HMCN1: variants seen among roughly 807,000 people sequenced by gnomAD.
HMCN1 encodes hemicentin-1.
A neutral mutation model predicts 625.9 loss-of-function variants in HMCN1; 321 were observed. The ratio of observed to expected loss-of-function variants is 0.51; its 90% confidence interval spans 0.47 to 0.56. The LOEUF (loss-of-function observed/expected upper bound fraction) is 0.56, where lower values mean the gene tolerates loss of function less well. HMCN1 is among the 20% of genes least tolerant of loss of function. HMCN1 has a pLI of 0.00. For synonymous variants in HMCN1, 2,425 were observed against 2,417.6 expected, an observed-to-expected ratio of 1.00 and a Z score of -0.09; for missense variants, 6,588 against 6,887.3, an observed-to-expected ratio of 0.96 and a Z score of 1.54.
intron 38 of HMCN1, 21 bp from the exon 39 acceptor site, chr1:186,039,703 TCTTA>T (rs1327462080): frequency 1.9e-6 from 3 of 1,610,974 alleles, no homozygotes; most frequent in Admixed American, 1.7e-5. Flanking sequence ...TATTAACGTG[TCTTA>T]CTTTCATTTG....
At chr1:186,162,909 G>C (rs565108781) in intron 97 of HMCN1, among the ~76,000 whole-genome samples, 1 of 152,140 alleles carries the variant, frequency 6.6e-6, no homozygotes, top group African/African-American at 2.4e-5. Context: ...CTCCAGCTGC[G>C]TGCTGGGAGA....
At chr1:185,779,480 G>T (rs1267792756) in intron 1 of HMCN1, among the ~76,000 whole-genome samples, 1 of 152,194 alleles carries the variant, frequency 6.6e-6, no homozygotes, top group Non-Finnish European at 1.5e-5. Context: ...ATGGTTTTAG[G>T]TCTAACATTT....
intron 41 of HMCN1, among the ~76,000 whole-genome samples, chr1:186,047,926 C>G (rs1314175544): frequency 5.3e-5 from 8 of 152,096 alleles, no homozygotes; most frequent in Admixed American, 3.3e-4. Context: ...AATGATCACT[C>G]TAACTTCAGT....
chr1:186,086,287 G>A lies in HMCN1; in HGVS notation c.8926G>A (p.Val2976Ile), dbSNP rs772967670. ...TGGTCCTAAATCTGAAAATCTTACC[G>A]TCGTGGTGAACAATTTCATCTCTTT... ...VIGPKSENLT[V>I]VVNNFISLTC... The change falls in exon 58 of 107, where the codon GTC becomes ATC. Residue 2976 changes from valine (V) to isoleucine (I), a missense_variant. This residue lies in a region of HMCN1 where 4,628 missense variants were observed against 4,853.1 expected (regional missense o/e 0.95). Transcript: ENST00000271588. The A allele has an allele frequency of 3.2e-5, 51 of 1,612,936 alleles. No individual in the cohort carries two copies. In the Middle Eastern group the frequency reaches 4.9e-4, roughly 16 times the overall value.
At chr1:185,935,033 G>A (rs1310606798) in intron 11 of HMCN1, among the ~76,000 whole-genome samples, 1 of 151,984 alleles carries the variant, frequency 6.6e-6, no homozygotes, top group Admixed American at 6.6e-5. Flanking sequence ...ACATCAAACT[G>A]CCTAGATAAT....
chr1:185,805,821 A>G (rs374788602), intron 1 of HMCN1, among the ~76,000 whole-genome samples: 5 of 152,154 alleles, frequency 3.3e-5, no homozygotes, highest in African/African-American at 9.7e-5. Flanking sequence ...TCCTGCTCCT[A>G]TATTGGTAGA....
intron 102 of HMCN1, 78 bp downstream of exon 102, chr1:186,172,209 T>A (rs1279939393): frequency 6.4e-7 from 1 of 1,563,968 alleles, no homozygotes; most frequent in Non-Finnish European, 8.8e-7. Flanking sequence ...TTAAAAGAAG[T>A]GATTAGAGTA....
chr1:185,895,449 A>G (rs1204804705), intron 4 of HMCN1, among the ~76,000 whole-genome samples: 3 of 152,194 alleles, frequency 2.0e-5, no homozygotes, highest in African/African-American at 7.2e-5. Context: ...TCTCTTACTG[A>G]ATCATAAAGC....
intron 6 of HMCN1, among the ~76,000 whole-genome samples, chr1:185,920,271 G>A (rs573886743): frequency 6.6e-6 from 1 of 151,844 alleles, no homozygotes; most frequent in Admixed American, 6.6e-5. Flanking sequence ...TAGTTTATTT[G>A]GGATGTCCTT....
In HMCN1 at chr1:186,119,278, A is replaced by C. The variant is rs1661280752; in HGVS notation, c.11936A>C (p.His3979Pro). ...ARNAAGSAHR[H>P]VTLHVHEPPV... ...AATGCGGCTGGCTCTGCACATCGACACGTGACCCTTCATGTTCATGGTATG... is the reference window on the plus strand; with the variant it reads ...AATGCGGCTGGCTCTGCACATCGACCCGTGACCCTTCATGTTCATGGTATG... Residue 3979 changes from histidine to proline, a missense_variant, in exon 78 of 107, where the codon CAC becomes CCC. Coordinates refer to ENST00000271588, the MANE Select transcript of HMCN1 (RefSeq NM_031935.3). 1 of 1,613,572 alleles carries C rather than the reference A, an allele frequency of 6.2e-7. No homozygotes were observed. Among genetic ancestry groups the C allele is most frequent in the Non-Finnish European group, 8.5e-7 (1 of 1,179,536 alleles).
At chr1:185,888,740 C>T (rs1343795826) in intron 4 of HMCN1, among the ~76,000 whole-genome samples, 26 of 146,134 alleles carry the variant, frequency 1.8e-4, no homozygotes, top group Admixed American at 3.3e-4. Flanking sequence ...AGTCAGGTAG[C>T]GTGATGCCTC....
In HMCN1 at chr1:186,070,695, A is replaced by T. The variant is rs748871815; in HGVS notation, c.8077A>T (p.Thr2693Ser). The change falls in exon 52 of 107, where the codon ACC becomes TCC. Residue 2693 changes from threonine (T) to serine (S), a missense_variant. Around this residue, in one of 3 missense-constraint regions of HMCN1, gnomAD observed 4,628 missense variants for 4,853.1 expected, o/e 0.95. Transcript: ENST00000271588. ...GAAGATCAAAGTAAACAACACTCTG[A>T]CCTTGGAATGTGAAGCGTATGCAAT... ...EVKIKVNNTLTLECEAYAIPS... is the reference protein window; with the variant it reads ...EVKIKVNNTLSLECEAYAIPS... 6.2e-7 allele frequency: 1 copy of T among 1,613,778 alleles called. No homozygotes were observed. Among genetic ancestry groups the T allele is most frequent in the Non-Finnish European group, 8.5e-7 (1 of 1,179,860 alleles).
intron 30 of HMCN1, among the ~76,000 whole-genome samples, chr1:186,014,557 C>T (rs1304646317): frequency 1.3e-5 from 2 of 151,842 alleles, no homozygotes; most frequent in African/African-American, 4.8e-5. Flanking sequence ...AGCAGCACAG[C>T]CCTTATGTAG....
intron 1 of HMCN1, among the ~76,000 whole-genome samples, chr1:185,775,656 C>T (rs1656548458): frequency 6.6e-6 from 1 of 152,124 alleles, no homozygotes; most frequent in African/African-American, 2.4e-5. Context: ...TAAAAAGTCA[C>T]TGGAGGGAAA....
chr1:185,761,479 C>T (rs1400183381), intron 1 of HMCN1, among the ~76,000 whole-genome samples: 8 of 152,120 alleles, frequency 5.3e-5, no homozygotes, highest in African/African-American at 1.2e-4. Context: ...CTGTTAACTT[C>T]GAGTGGTATT....
chr1:186,146,735 C>G (rs1002687679), intron 93 of HMCN1, among the ~76,000 whole-genome samples: 10 of 152,194 alleles, frequency 6.6e-5, no homozygotes, highest in African/African-American at 2.2e-4. Flanking sequence ...TTAACAAGGA[C>G]TTTGAGGCTC....
intron 11 of HMCN1, among the ~76,000 whole-genome samples, chr1:185,935,190 A>G (rs1330233327): frequency 6.6e-6 from 1 of 151,888 alleles, no homozygotes; most frequent in Non-Finnish European, 1.5e-5. Flanking sequence ...ATGAGATTGT[A>G]AAATAAAATC....
intron 73 of HMCN1, 21 bp downstream of exon 73, chr1:186,114,144 A>G (rs1278777896): frequency 6.2e-7 from 1 of 1,613,672 alleles, no homozygotes; most frequent in Non-Finnish European, 8.5e-7. Context: ...TGGAAAATTA[A>G]AAAATGCTAT....
At chr1:186,011,513 T>A (rs1319032336) in intron 30 of HMCN1, among the ~76,000 whole-genome samples, 1 of 152,248 alleles carries the variant, frequency 6.6e-6, no homozygotes, top group Non-Finnish European at 1.5e-5. Flanking sequence ...TCTTGATATT[T>A]GACTGCCAAT....
Sources: gnomAD v4.1 joint callset for allele counts (sites outside exome capture counted in the v4.1 genomes callset) on GRCh38, gnomAD v4.1.1 for gene constraint, gnomAD v4.1.1 regional missense constraint, MANE v1.5 for transcripts, NCBI Gene and HGNC (gene_info 2026-07-23, HGNC 2026-07-21) for gene names.